The following LRP1B variants were observed in gnomAD, a reference collection of about 807,000 sequenced individuals.
LRP1B encodes LDL receptor related protein 1B.
In LRP1B, 217 loss-of-function variants were observed where a neutral mutation model predicts 556.6. That is an observed-to-expected ratio of 0.39 (90% confidence interval 0.35 to 0.44). The LOEUF is 0.44. Ranked by LOEUF, LRP1B falls within the 20% of genes least tolerant of loss-of-function variation. The pLI, the probability that LRP1B is intolerant of heterozygous loss-of-function variation, is 1.00. For synonymous variants in LRP1B, 2,047 were observed against 1,865.8 expected (o/e 1.10, Z -2.50); for missense variants, 5,053 against 5,620.8 (o/e 0.90, Z 3.23).
In LRP1B at chr2:140,261,059, A is replaced by G. The variant is rs189125601; in HGVS notation, c.13247+9183T>C. Among the ~76,000 whole-genome samples the G allele has an allele frequency of 0.01, 1,480 of 146,692 alleles. 61 individuals are homozygous for G. The East Asian group carries it at 0.13, about 13-fold the overall frequency. Reference sequence around the variant, plus strand: ...GTGAGATATATATATATGTGTGTGTATATATATATAATATATATGATGAAA... The same window carrying G: ...GTGAGATATATATATATGTGTGTGTGTATATATATAATATATATGATGAAA... On this transcript the variant is annotated intron_variant, in intron 86 of 90. Transcript: ENST00000389484.
chr2:141,027,942 C>A (rs1013986647), intron 11 of LRP1B, among the ~76,000 whole-genome samples: 16 of 152,162 alleles, frequency 1.1e-4, no homozygotes, highest in East Asian at 7.8e-4. Flanking sequence ...GCACCCTGAT[C>A]TCAGACTTCT....
chr2:141,152,811 T>A (rs1011033076), intron 7 of LRP1B, among the ~76,000 whole-genome samples: 10 of 151,902 alleles, frequency 6.6e-5, no homozygotes, highest in East Asian at 1.9e-4. Flanking sequence ...ATGGGCAAAG[T>A]ACATTTTTAC....
chr2:141,879,244 TA>T (rs959301823), intron 1 of LRP1B, among the ~76,000 whole-genome samples: 1 of 151,864 alleles, frequency 6.6e-6, no homozygotes, highest in African/African-American at 2.4e-5. Flanking sequence ...TAAAAAATGT[TA>T]CAGCCTATAA....
chr2:141,184,940 AC>A (rs1168377212), intron 7 of LRP1B, among the ~76,000 whole-genome samples: 1 of 152,020 alleles, frequency 6.6e-6, no homozygotes, highest in Admixed American at 6.6e-5. Flanking sequence ...TATGAAATAG[AC>A]CTTTTTAGAA....
chr2:141,097,930 T>C (rs978973581), intron 7 of LRP1B, among the ~76,000 whole-genome samples: 1 of 152,214 alleles, frequency 6.6e-6, no homozygotes, highest in African/African-American at 2.4e-5. Flanking sequence ...TGAATGGTAG[T>C]TGCCATCTGC....
intron 5 of LRP1B, among the ~76,000 whole-genome samples, chr2:141,240,355 AT>A (rs201788814): frequency 2.1e-4 from 28 of 132,908 alleles, no homozygotes; most frequent in East Asian, 1.5e-3. Flanking sequence ...TGAAAAATCA[AT>A]TTTTTTTTCT....
chr2:141,307,671 C>T (rs1686645739), intron 3 of LRP1B, among the ~76,000 whole-genome samples: 1 of 152,148 alleles, frequency 6.6e-6, no homozygotes, highest in South Asian at 2.1e-4. Flanking sequence ...GGTAGGAATG[C>T]ATGCCAGGTG....
At chr2:141,566,484 T>C (rs1308355540) in intron 2 of LRP1B, among the ~76,000 whole-genome samples, 2 of 152,216 alleles carry the variant, frequency 1.3e-5, no homozygotes, top group African/African-American at 4.8e-5. Context: ...TGGTGAACTG[T>C]ATATCTTCTA....
intron 63 of LRP1B, among the ~76,000 whole-genome samples, chr2:140,448,596 G>T (rs897103496): frequency 6.6e-6 from 1 of 152,142 alleles, no homozygotes; most frequent in East Asian, 1.9e-4. Context: ...GGTTACCAGA[G>T]GCTGGAGATT....
chr2:141,375,650 A>G (rs1689401197), intron 3 of LRP1B, among the ~76,000 whole-genome samples: 1 of 152,132 alleles, frequency 6.6e-6, no homozygotes, highest in Non-Finnish European at 1.5e-5. Context: ...CAACTGTGTC[A>G]TTTCAAACTT....
At chr2:140,344,554 T>G (rs982835039) in intron 77 of LRP1B, among the ~76,000 whole-genome samples, 4 of 151,814 alleles carry the variant, frequency 2.6e-5, no homozygotes, top group Non-Finnish European at 5.9e-5. Context: ...AGGAAAGGAA[T>G]CAGCAACAAC....
intron 25 of LRP1B, among the ~76,000 whole-genome samples, chr2:140,872,353 T>C (rs1333137811): frequency 1.4e-5 from 2 of 138,056 alleles, no homozygotes; most frequent in Non-Finnish European, 3.1e-5. Flanking sequence ...TTGTATTGTG[T>C]CACCTGATTT....
intron 6 of LRP1B, among the ~76,000 whole-genome samples, chr2:141,222,628 C>T (rs1683092249): frequency 6.6e-6 from 1 of 152,084 alleles, no homozygotes; most frequent in African/African-American, 2.4e-5. Context: ...CAAAAAAATC[C>T]TCAATAAAAT....
At chr2:141,010,806 G>C (rs1697721995) in intron 14 of LRP1B, among the ~76,000 whole-genome samples, 1 of 151,910 alleles carries the variant, frequency 6.6e-6, no homozygotes, top group African/African-American at 2.4e-5. Context: ...ATTAGCCTCT[G>C]TGCCTGGCTA....
At chr2:141,090,138 G>T (rs957098460) in intron 7 of LRP1B, among the ~76,000 whole-genome samples, 5 of 152,100 alleles carry the variant, frequency 3.3e-5, no homozygotes, top group African/African-American at 1.2e-4. Context: ...CCCAACAGGG[G>T]GTTAGTGTTG....
At chr2:140,705,349 C>A (rs1009028219) in intron 37 of LRP1B, among the ~76,000 whole-genome samples, 5 of 151,126 alleles carry the variant, frequency 3.3e-5, no homozygotes, top group East Asian at 2.0e-4. Flanking sequence ...CATGGTGAAA[C>A]CCCTTCTCTA....
intron 3 of LRP1B, among the ~76,000 whole-genome samples, chr2:141,287,993 G>A (rs985079796): frequency 2.0e-5 from 3 of 152,058 alleles, no homozygotes; most frequent in Non-Finnish European, 4.4e-5. Context: ...TATGTGTGGT[G>A]TGATGGCACC....
chr2:140,858,333 T>A (rs149447227), intron 27 of LRP1B, among the ~76,000 whole-genome samples: 1 of 151,912 alleles, frequency 6.6e-6, no homozygotes, highest in Non-Finnish European at 1.5e-5. Flanking sequence ...CTCATACCGA[T>A]AGTATATAAA....
At chr2:141,977,833 A>T (rs551386265) in intron 1 of LRP1B, among the ~76,000 whole-genome samples, 2 of 152,168 alleles carry the variant, frequency 1.3e-5, no homozygotes, top group Non-Finnish European at 2.9e-5. Context: ...CTTGAATGCC[A>T]TATCAGAATG....
Sources: gnomAD v4.1 joint callset for allele counts (sites outside exome capture counted in the v4.1 genomes callset) on GRCh38, gnomAD v4.1.1 for gene constraint, MANE v1.5 for transcripts, NCBI Gene and HGNC (gene_info 2026-07-23, HGNC 2026-07-21) for gene names.